The following MAD1L1 variants were observed in gnomAD, a reference collection of about 807,000 sequenced individuals.
The protein encoded by MAD1L1 is mitotic arrest deficient 1 like 1, also known as mitotic spindle assembly checkpoint protein MAD1.
A neutral mutation model predicts 96.9 loss-of-function variants in MAD1L1; 95 were observed. The observed-to-expected ratio is 0.98, with a 90% confidence interval of 0.83 to 1.16. MAD1L1 has a LOEUF of 1.16. MAD1L1 is among the 50% of genes most tolerant of loss of function. The pLI is 0.00. For missense variants in MAD1L1, 1,007 were observed against 954.4 expected (o/e 1.06, Z -0.73); for synonymous variants, 473 against 396.6 (o/e 1.19, Z -2.29).
intron 10 of MAD1L1, among the ~76,000 whole-genome samples, chr7:2,150,709 C>A (rs754207988): frequency 2.6e-5 from 4 of 152,240 alleles, no homozygotes; most frequent in Non-Finnish European, 5.9e-5. Flanking sequence ...AGATGTCCTG[C>A]GGCCTGGCCC....
intron 10 of MAD1L1, among the ~76,000 whole-genome samples, chr7:2,185,124 G>A: frequency 6.6e-6 from 1 of 152,192 alleles, no homozygotes. Context: ...AAGCAAGAGA[G>A]ATGCCGGCGT....
chr7:2,070,150 G>A (rs1227610022), intron 11 of MAD1L1, among the ~76,000 whole-genome samples: 2 of 152,222 alleles, frequency 1.3e-5, no homozygotes, highest in Admixed American at 6.5e-5. Flanking sequence ...CGGGCCTCAG[G>A]GGTTTGGATC....
intron 10 of MAD1L1, among the ~76,000 whole-genome samples, chr7:2,198,886 G>C (rs1465141279): frequency 1.3e-5 from 2 of 152,232 alleles, no homozygotes; most frequent in Non-Finnish European, 2.9e-5. Flanking sequence ...TACAGAATAG[G>C]GTTCCAAAGC....
rs879029887 is a variant in MAD1L1 at position 2,079,794 on chromosome 7, G to C, written c.1074-10456C>G. On this transcript the variant is annotated intron_variant, in intron 11 of 18. Transcript: ENST00000265854. ...CATAAATTCACTTCCGCCCCAGGCT[G>C]CTGGAGATTAGGAAATGAGAACTGC... The C allele has an allele frequency of 1.7e-5, 8 of 469,686 alleles. No homozygotes were observed. The East Asian group carries it at 4.9e-4, about 29-fold the overall frequency. 29.1% of individuals were successfully genotyped at this position (469,686 alleles called of 1,614,324 possible).
chr7:1,825,695 C>A (rs185427468), intron 18 of MAD1L1, among the ~76,000 whole-genome samples: 162 of 152,354 alleles, frequency 1.1e-3, no homozygotes, highest in African/African-American at 3.2e-3. Flanking sequence ...CGAGCCTCCA[C>A]GGCCAGGGCT....
At chr7:2,023,003 T>C (rs893260253) in intron 12 of MAD1L1, among the ~76,000 whole-genome samples, 1 of 152,228 alleles carries the variant, frequency 6.6e-6, no homozygotes, top group African/African-American at 2.4e-5. Flanking sequence ...GCCCTTAACA[T>C]GCATCTACTT....
intron 18 of MAD1L1, among the ~76,000 whole-genome samples, chr7:1,821,876 C>T (rs1297209520): frequency 6.6e-6 from 1 of 152,198 alleles, no homozygotes; most frequent in Non-Finnish European, 1.5e-5. Context: ...GGAGAGCTGG[C>T]TTTCCCCACT....
At chr7:1,962,004 T>C (rs1583926191) in intron 15 of MAD1L1, among the ~76,000 whole-genome samples, 1 of 151,508 alleles carries the variant, frequency 6.6e-6, no homozygotes, top group African/African-American at 2.4e-5. Flanking sequence ...TCGTGTGTTG[T>C]GGGAGGCCTG....
chr7:2,052,919 T>C (rs572663858), intron 12 of MAD1L1, among the ~76,000 whole-genome samples: 196 of 152,138 alleles, frequency 1.3e-3, no homozygotes, highest in Middle Eastern at 3.4e-3. Flanking sequence ...CAGCAGGACA[T>C]GTGGGAGGAG....
At chr7:2,022,168 G>C (rs1782816604) in intron 12 of MAD1L1, among the ~76,000 whole-genome samples, 2 of 152,170 alleles carry the variant, frequency 1.3e-5, no homozygotes, top group Non-Finnish European at 2.9e-5. Context: ...TTGAAGTATA[G>C]GAGCAGCAAT....
chr7:1,847,306 G>A (rs992486874), intron 18 of MAD1L1: 3 of 471,110 alleles, frequency 6.4e-6, no homozygotes, highest in South Asian at 3.1e-5. Flanking sequence ...GGAGCCGCTG[G>A]ATTACAGAGC....
chr7:1,909,780 C>T (rs1787897027), intron 17 of MAD1L1, among the ~76,000 whole-genome samples: 1 of 152,244 alleles, frequency 6.6e-6, no homozygotes, highest in South Asian at 2.1e-4. Flanking sequence ...AAGATGGTCG[C>T]TTCAACTCTG....
At chr7:1,928,495 C>G (rs1174488644) in intron 17 of MAD1L1, among the ~76,000 whole-genome samples, 1 of 152,244 alleles carries the variant, frequency 6.6e-6, no homozygotes, top group African/African-American at 2.4e-5. Flanking sequence ...GAGACTGTTC[C>G]CCATGACCTG....
intron 16 of MAD1L1, among the ~76,000 whole-genome samples, chr7:1,951,710 C>T (rs962862482): frequency 2.0e-5 from 3 of 152,138 alleles, no homozygotes; most frequent in Non-Finnish European, 4.4e-5. Flanking sequence ...TGGGACTGGC[C>T]GGTTTCACCC....
chr7:1,933,941 G>A (rs1457045801), intron 17 of MAD1L1, among the ~76,000 whole-genome samples: 1 of 152,146 alleles, frequency 6.6e-6, no homozygotes, highest in Non-Finnish European at 1.5e-5. Context: ...TCCACCCGCC[G>A]CCGGCTTAGA....
intron 13 of MAD1L1, among the ~76,000 whole-genome samples, chr7:2,013,077 C>A (rs1782373831): frequency 6.6e-6 from 1 of 152,258 alleles, no homozygotes; most frequent in Admixed American, 6.5e-5. Flanking sequence ...TTAAATGTCT[C>A]CCCTACCCAG....
rs968730915 is a variant in MAD1L1 at position 2,219,741 on chromosome 7, G to A, written c.472-285C>T. Among the ~76,000 whole-genome samples the A allele has an allele frequency of 2.6e-5, 4 of 152,020 alleles. No individual in the cohort carries two copies. The East Asian group carries it at 5.8e-4, about 22-fold the overall frequency. ...GGGGGCAGAGCCACCTCCTTCTGGA[G>A]GATGCAGGTCAGGCAGACGCTCACA... On this transcript the variant is annotated intron_variant, in intron 5 of 18. Transcript: ENST00000265854.
chr7:2,160,187 C>T (rs1160157946), intron 10 of MAD1L1, among the ~76,000 whole-genome samples: 2 of 150,654 alleles, frequency 1.3e-5, no homozygotes, highest in African/African-American at 2.4e-5. Context: ...GCTATGATCG[C>T]GCACGGCACT....
chr7:2,100,694 C>T (rs1464447255), intron 11 of MAD1L1, among the ~76,000 whole-genome samples: 8 of 152,254 alleles, frequency 5.3e-5, no homozygotes, highest in Non-Finnish European at 8.8e-5. Flanking sequence ...CGCGTCCACC[C>T]AAGCCCCAGG....
Sources: gnomAD v4.1 joint callset for allele counts (sites outside exome capture counted in the v4.1 genomes callset) on GRCh38, gnomAD v4.1.1 for gene constraint, MANE v1.5 for transcripts, NCBI Gene and HGNC (gene_info 2026-07-23, HGNC 2026-07-21) for gene names.